The following CANX variants were observed in gnomAD, a reference collection of about 807,000 sequenced individuals.
The protein encoded by CANX is calnexin, also known as epididymis secretory sperm binding protein.
A neutral mutation model predicts 75.7 loss-of-function variants in CANX; 14 were observed. That is an observed-to-expected ratio of 0.19 (90% confidence interval 0.12 to 0.29). CANX has a LOEUF of 0.29. Ranked by LOEUF, CANX falls within the 10% of genes least tolerant of loss-of-function variation. CANX has a pLI of 1.00. For synonymous variants in CANX, 227 were observed against 236.9 expected (o/e 0.96, Z 0.38); for missense variants, 567 against 713.2 (o/e 0.79, Z 2.34).
Position 179,723,561 on chromosome 5 carries a change from T to C in CANX, c.1399-99T>C. ...GCATTTTCTCTGAAAAAGAAGGTCC[T>C]GCGTAGTGCCATGCCATAACTGAAC... is the stretch of plus-strand genomic sequence containing the variant. On this transcript the variant is annotated intron_variant, in intron 11 of 14. Coordinates refer to ENST00000247461, the MANE Select transcript of CANX (RefSeq NM_001746.4). The C allele has an allele frequency of 4.1e-6, 5 of 1,217,202 alleles. No homozygotes were observed. The South Asian group carries it at 7.3e-5, about 18-fold the overall frequency. 75.4% of individuals were successfully genotyped at this position (1,217,202 alleles called of 1,614,324 possible).
chr5:179,687,871 T>A (rs967276731), intron 1 of CANX, among the ~76,000 whole-genome samples: 1 of 151,556 alleles, frequency 6.6e-6, no homozygotes, highest in African/African-American at 2.4e-5. Flanking sequence ...CTGTCTCTAC[T>A]AAAAATACAA....
chr5:179,722,739 A>G, intron 10 of CANX, 65 bp from the exon 11 acceptor site: 1 of 1,097,410 alleles, frequency 9.1e-7, no homozygotes, highest in Non-Finnish European at 1.4e-6. Flanking sequence ...CTCTTACGGT[A>G]GATTCACCAT....
intron 1 of CANX, chr5:179,680,998 A>C (rs988352951): frequency 7.7e-7 from 1 of 1,299,164 alleles, no homozygotes; most frequent in Non-Finnish European, 1.1e-6. Context: ...CTCACCTGGA[A>C]GATGGGGTGG....
intron 6 of CANX, 134 bp from the exon 7 acceptor site, chr5:179,709,739 T>A (rs1777397837): frequency 1.8e-6 from 1 of 567,194 alleles, no homozygotes; most frequent in South Asian, 2.6e-5. Context: ...TAAACAAACT[T>A]GTAGTTAGCT....
At chr5:179,698,730 C>T, upstream of CANX, 1 of 699,194 alleles carries the variant, frequency 1.4e-6, no homozygotes, top group South Asian at 1.6e-5. Flanking sequence ...GCGTGGCCCG[C>T]CCCTCACCTC....
chr5:179,684,389 C>A (rs1776144377), intron 1 of CANX, among the ~76,000 whole-genome samples: 1 of 149,300 alleles, frequency 6.7e-6, no homozygotes, highest in Admixed American at 6.7e-5. Flanking sequence ...AGCTAGTAAG[C>A]CTTTTTTTTT....
upstream of CANX, chr5:179,698,549 C>G: frequency 7.8e-7 from 1 of 1,289,436 alleles, no homozygotes; most frequent in Non-Finnish European, 1.0e-6. Context: ...GCCGTTTGCC[C>G]CGTCAGCGAA....
intron 7 of CANX, among the ~76,000 whole-genome samples, chr5:179,714,809 G>A (rs1486833714): frequency 1.3e-5 from 2 of 149,444 alleles, no homozygotes; most frequent in Non-Finnish European, 3.0e-5. Flanking sequence ...GAGCCACTGC[G>A]CCCGGCCCTT....
intron 1 of CANX, among the ~76,000 whole-genome samples, chr5:179,687,234 C>T (rs1268735835): frequency 1.3e-5 from 2 of 152,192 alleles, no homozygotes; most frequent in Non-Finnish European, 2.9e-5. Context: ...TCCCAAATAG[C>T]TGGGACTACA....
chr5:179,692,450 G>A (rs1407038584), intron 1 of CANX, among the ~76,000 whole-genome samples: 3 of 152,124 alleles, frequency 2.0e-5, no homozygotes, highest in Non-Finnish European at 4.4e-5. Context: ...GTTCACATCT[G>A]TAATCCCAGC....
chr5:179,712,449 A>G (rs1284714701), intron 7 of CANX, among the ~76,000 whole-genome samples: 1 of 148,274 alleles, frequency 6.7e-6, no homozygotes, highest in African/African-American at 2.5e-5. Flanking sequence ...ATGGAGTTTC[A>G]CTCTTGTTCC....
At chr5:179,715,836 TAG>T in intron 7 of CANX, 2 of 463,328 alleles carry the variant, frequency 4.3e-6, no homozygotes, top group East Asian at 4.7e-5. Context: ...TTTTTTTTTT[TAG>T]TGTCTATAAG....
Position 179,728,906 on chromosome 5 carries a change from CTTTT to C in CANX, c.*271_*274del, listed in dbSNP as rs397724671. ...TGAAATGTAACATGAAGCAAACTAACTTTTTTTTTTTTAACATCTTTGTTTTTAA... is the reference window on the plus strand; with the variant it reads ...TGAAATGTAACATGAAGCAAACTAACTTTTTTTTAACATCTTTGTTTTTAA... On this transcript the variant is annotated 3_prime_UTR_variant, in exon 15 of 15. Transcript: ENST00000247461. 1.0e-5 allele frequency: 4 copies of C among 389,456 alleles called. No individual in the cohort carries two copies. The highest frequency in any genetic ancestry group is 4.3e-5 in the African/African-American group (2 of 46,990). The allele number at this position is 389,456 out of a possible 1,614,324, so 24.1% of individuals were successfully genotyped here.
chr5:179,679,117 A>T, intron 1 of CANX: 1 of 1,535,696 alleles, frequency 6.5e-7, no homozygotes, highest in Non-Finnish European at 8.7e-7. Context: ...CATGGCTCGT[A>T]GCCGAGCACT....
upstream of CANX, among the ~76,000 whole-genome samples, chr5:179,698,171 G>GTACTA (rs1776471373): frequency 1.3e-5 from 2 of 152,204 alleles, no homozygotes; most frequent in Admixed American, 6.5e-5. Flanking sequence ...TACTAAGAGT[G>GTACTA]GGTTACTAAA....
At chr5:179,688,972 G>A (rs1776245070) in intron 1 of CANX, among the ~76,000 whole-genome samples, 1 of 151,876 alleles carries the variant, frequency 6.6e-6, no homozygotes, top group Admixed American at 6.6e-5. Flanking sequence ...AAAGAGGCCG[G>A]GTGTGGTGGC....
chr5:179,687,731 A>C (rs573589677), intron 1 of CANX, among the ~76,000 whole-genome samples: 16 of 152,060 alleles, frequency 1.1e-4, no homozygotes, highest in African/African-American at 3.9e-4. Context: ...CAGTATGTCT[A>C]TGTTATTAAA....
rs1226736327 is a variant in CANX at position 179,731,076 on chromosome 5, C to G, written c.*2432C>G. ...GACAGTGAAATAATGACTTTTATCT[C>G]ACCACGTGAGTTTGATGCAGTCTTT... On this transcript the variant is annotated 3_prime_UTR_variant, in exon 15 of 15. Coordinates refer to ENST00000247461, the MANE Select transcript of CANX (RefSeq NM_001746.4). Among the ~76,000 whole-genome samples the G allele has an allele frequency of 1.3e-5, 2 of 152,182 alleles. No homozygotes were observed. Among genetic ancestry groups the G allele is most frequent in the African/African-American group, 4.8e-5 (2 of 41,448 alleles).
rs184996068 is a variant in CANX at position 179,705,278 on chromosome 5, C to T, written c.-3-401C>T. The stretch of plus-strand genomic sequence containing the variant: ...GATTACAGGCGTGAGCCACGGCGCC[C>T]GGCCATCTCTGTTATTTCATTGTAA... On this transcript the variant is annotated intron_variant, in intron 1 of 14. Coordinates refer to ENST00000247461, the MANE Select transcript of CANX (RefSeq NM_001746.4). 1.4e-3 allele frequency among the ~76,000 whole-genome samples: 209 copies of T among 152,308 alleles called. 1 individual carries two copies. The highest frequency in any genetic ancestry group is 6.8e-3 in the Middle Eastern group (2 of 294).
Sources: gnomAD v4.1 joint callset for allele counts (sites outside exome capture counted in the v4.1 genomes callset) on GRCh38, gnomAD v4.1.1 for gene constraint, MANE v1.5 for transcripts, NCBI Gene and HGNC (gene_info 2026-07-23, HGNC 2026-07-21) for gene names.